The following BLTP3B variants were observed in gnomAD, a reference collection of about 807,000 sequenced individuals.
BLTP3B encodes the protein UHRF1 (ICBP90) binding protein 1-like.
chr12:100,052,372 A>G, the BLTP3B span, among the ~76,000 whole-genome samples: 1 of 152,104 alleles, frequency 6.6e-6, no homozygotes, highest in Non-Finnish European at 1.5e-5. Context: ...TAAAATTTAC[A>G]TGGAAAAGAA....
At chr12:100,058,163 T>C in the BLTP3B span, 3 of 1,613,466 alleles carry the variant, frequency 1.9e-6, no homozygotes, top group Non-Finnish European at 2.5e-6. Flanking sequence ...TTTCATTTCC[T>C]TTACTAGTTA....
the BLTP3B span, among the ~76,000 whole-genome samples, chr12:100,049,435 A>T: frequency 1.3e-5 from 2 of 152,164 alleles, no homozygotes; most frequent in African/African-American, 4.8e-5. Context: ...AACAGGTCAA[A>T]TATATGCATG....
the BLTP3B span, among the ~76,000 whole-genome samples, chr12:100,054,860 T>C: frequency 7.9e-5 from 12 of 152,176 alleles, no homozygotes; most frequent in Admixed American, 3.9e-4. Context: ...CTAAAACTTT[T>C]GGACTAGATA....
the BLTP3B span, among the ~76,000 whole-genome samples, chr12:100,140,704 C>CAAAAAAA: frequency 4.7e-4 from 16 of 33,778 alleles, no homozygotes; most frequent in African/African-American, 7.9e-4. Flanking sequence ...GACTCTGTCT[C>CAAAAAAA]AAAAAAAAAA....
chr12:100,137,934 T>G, the BLTP3B span, among the ~76,000 whole-genome samples: 7 of 152,114 alleles, frequency 4.6e-5, no homozygotes, highest in Admixed American at 2.6e-4. Flanking sequence ...GAACCATGGG[T>G]AGACAAAACT....
At chr12:100,046,853 G>A in the BLTP3B span, among the ~76,000 whole-genome samples, 4 of 152,106 alleles carry the variant, frequency 2.6e-5, no homozygotes, top group African/African-American at 4.8e-5. Context: ...ACGTAGAGAC[G>A]TGCAAAGTGC....
chr12:100,056,374 T>C, the BLTP3B span, among the ~76,000 whole-genome samples: 41 of 152,308 alleles, frequency 2.7e-4, no homozygotes, highest in African/African-American at 9.4e-4. Context: ...TATTCTGTGA[T>C]AGAACAAAAC....
At chr12:100,062,966 A>G in the BLTP3B span, among the ~76,000 whole-genome samples, 9 of 151,438 alleles carry the variant, frequency 5.9e-5, no homozygotes, top group Non-Finnish European at 1.2e-4. Flanking sequence ...TCAAAAAAAA[A>G]GAAAAGAATT....
chr12:100,111,297 T>G, the BLTP3B span, among the ~76,000 whole-genome samples: 1 of 139,932 alleles, frequency 7.1e-6, no homozygotes, highest in Non-Finnish European at 1.6e-5. Flanking sequence ...TTTTTTTTTT[T>G]TTTTTTGCTT....
the BLTP3B span, among the ~76,000 whole-genome samples, chr12:100,038,075 C>A: frequency 3.3e-5 from 5 of 152,122 alleles, no homozygotes; most frequent in African/African-American, 1.2e-4. Context: ...CTTTCTCAGC[C>A]TCTCTCCTTT....
the BLTP3B span, among the ~76,000 whole-genome samples, chr12:100,113,719 A>G: frequency 5.9e-5 from 9 of 152,054 alleles, no homozygotes; most frequent in African/African-American, 2.4e-5. Context: ...GCACTTTGGG[A>G]GGCCAAGGTA....
the BLTP3B span, chr12:100,084,621 T>C: frequency 6.2e-7 from 1 of 1,614,154 alleles, no homozygotes; most frequent in Non-Finnish European, 8.5e-7. Flanking sequence ...TTGTTTTGGT[T>C]GCATCACTAA....
the BLTP3B span, among the ~76,000 whole-genome samples, chr12:100,038,577 C>A: frequency 6.6e-6 from 1 of 152,178 alleles, no homozygotes; most frequent in African/African-American, 2.4e-5. Flanking sequence ...CTCAGGTGAT[C>A]TGCCCGCCTT....
chr12:100,116,890 G>T, the BLTP3B span, among the ~76,000 whole-genome samples: 2 of 152,206 alleles, frequency 1.3e-5, no homozygotes, highest in Non-Finnish European at 2.9e-5. Flanking sequence ...GTGTAGCAAT[G>T]TTGCAGGATA....
the BLTP3B span, among the ~76,000 whole-genome samples, chr12:100,109,571 C>T: frequency 6.6e-6 from 1 of 152,028 alleles, no homozygotes. Context: ...CAAGACCAGC[C>T]TGGCCAACAT....
At chr12:100,047,759 A>G in the BLTP3B span, 1 of 1,054,310 alleles carries the variant, frequency 9.5e-7, no homozygotes. Context: ...TGCCTGTTAT[A>G]TTTTGCCTGT....
chr12:100,114,655 T>C, the BLTP3B span, among the ~76,000 whole-genome samples: 2 of 152,378 alleles, frequency 1.3e-5, no homozygotes, highest in Non-Finnish European at 2.9e-5. Context: ...AGCCACATTT[T>C]AAAGTCATAC....
At chr12:100,048,082 A>C in the BLTP3B span, 1 of 1,613,440 alleles carries the variant, frequency 6.2e-7, no homozygotes, top group Non-Finnish European at 8.5e-7. Context: ...GTGGCACTGC[A>C]GAAATCCATT....
At chr12:100,060,013 T>C in the BLTP3B span, 6 of 1,606,750 alleles carry the variant, frequency 3.7e-6, no homozygotes, top group Non-Finnish European at 5.1e-6. Context: ...CTGTAGTGCA[T>C]TCAGCTGGCT....
Sources: gnomAD v4.1 joint callset for allele counts (sites outside exome capture counted in the v4.1 genomes callset) on GRCh38, gnomAD v4.1.1 for gene constraint, MANE v1.5 for transcripts, NCBI Gene and HGNC (gene_info 2026-07-23, HGNC 2026-07-21) for gene names.